Variants in MYH15 observed in about 807,000 individuals in gnomAD.
The protein encoded by MYH15 is myosin-15.
Under a neutral mutation model 240.5 loss-of-function variants are expected in MYH15, and 227 were observed. The observed-to-expected ratio is 0.94, with a 90% CI of 0.85 to 1.05. MYH15 has a LOEUF of 1.05. Among genes scored for constraint, MYH15 ranks in the 50% least tolerant of loss-of-function variants. The probability of loss-of-function intolerance (pLI) is 0.00; values close to 1 mark genes in which losing one functional copy is unlikely to be tolerated. For missense variants in MYH15, 2,217 were observed against 2,247.5 expected, an observed-to-expected ratio of 0.99 and a Z score of 0.27; for synonymous variants, 785 against 796.7, an observed-to-expected ratio of 0.99 and a Z score of 0.25.
the MYH15 span, among the ~76,000 whole-genome samples, chr3:108,548,402 A>C: frequency 2.6e-5 from 4 of 152,282 alleles, no homozygotes; most frequent in Admixed American, 2.6e-4. Context: ...TTTCTTAATA[A>C]GTAAATGTAA....
At chr3:108,471,499 C>G (rs2083177215) in intron 12 of MYH15, among the ~76,000 whole-genome samples, 1 of 152,190 alleles carries the variant, frequency 6.6e-6, no homozygotes, top group South Asian at 2.1e-4. Flanking sequence ...TTCAGCCTGT[C>G]TAGCCCAGCT....
chr3:108,521,127 C>T (rs894885168), intron 1 of MYH15, among the ~76,000 whole-genome samples: 2 of 151,916 alleles, frequency 1.3e-5, no homozygotes, highest in Non-Finnish European at 2.9e-5. Context: ...TTCTTCCCCC[C>T]TCCCAAAAGT....
intron 30 of MYH15, among the ~76,000 whole-genome samples, chr3:108,412,603 C>T (rs1054422344): frequency 2.6e-5 from 4 of 152,316 alleles, no homozygotes; most frequent in African/African-American, 9.6e-5. Context: ...CTTTGTTCTA[C>T]GTTTAATATC....
rs938551546 is a variant in MYH15 at position 108,505,911 on chromosome 3, T to C, written c.89-82A>G. 1.1e-5 allele frequency: 9 copies of C among 828,642 alleles called. No individual in the cohort carries two copies. In the Admixed American group the frequency reaches 1.7e-4, roughly 16 times the overall value. 51.3% of individuals were successfully genotyped at this position (828,642 alleles called of 1,614,324 possible). On this transcript the variant is annotated intron_variant, in intron 1 of 40. Transcript: ENST00000693548. ...TACTGGACACTTTCATACTGATAGA[T>C]CTAATCTCATTTCTGCTAAATCAGC...
rs185315250 is a variant in MYH15 at position 108,471,756 on chromosome 3, A to T, written c.1234-909T>A. ...CCCAGTATCTCTCCCCTGTTGCAAT[A>T]TATCTATTGCAGCAGTCCTGAATGA... is the stretch of plus-strand genomic sequence containing the variant. On this transcript the variant is annotated intron_variant, in intron 12 of 40. Coordinates refer to ENST00000693548, the MANE Select transcript of MYH15 (RefSeq NM_014981.3). 7.9e-5 allele frequency among the ~76,000 whole-genome samples: 12 copies of T among 152,226 alleles called. No individual in the cohort carries two copies. In the South Asian group the frequency reaches 2.5e-3, roughly 32 times the overall value.
intron 21 of MYH15, among the ~76,000 whole-genome samples, chr3:108,447,130 T>A (rs1335232818): frequency 1.3e-5 from 2 of 151,878 alleles, no homozygotes; most frequent in East Asian, 3.9e-4. Context: ...AGGGGAAGAA[T>A]CAGTGAGCTC....
chr3:108,452,440 G>T (rs550783088), intron 21 of MYH15, among the ~76,000 whole-genome samples: 1 of 152,016 alleles, frequency 6.6e-6, no homozygotes, highest in African/African-American at 2.4e-5. Flanking sequence ...CTGGAAAATT[G>T]ATAAATAAAT....
At chr3:108,396,962 C>T (rs1322111991) in intron 35 of MYH15, among the ~76,000 whole-genome samples, 1 of 152,182 alleles carries the variant, frequency 6.6e-6, no homozygotes, top group Non-Finnish European at 1.5e-5. Flanking sequence ...GTTTTGGTAT[C>T]TCTGGACCCT....
At chr3:108,427,199 G>T (rs919631298) in intron 27 of MYH15, among the ~76,000 whole-genome samples, 4 of 152,264 alleles carry the variant, frequency 2.6e-5, no homozygotes, top group African/African-American at 4.8e-5. Flanking sequence ...TATTGAGGTA[G>T]AATGAATGTA....
At chr3:108,447,855 C>G (rs1371812902) in intron 21 of MYH15, among the ~76,000 whole-genome samples, 2 of 148,560 alleles carry the variant, frequency 1.3e-5, no homozygotes, top group African/African-American at 4.9e-5. Flanking sequence ...TCACCTTTAA[C>G]TCTAAAATTA....
chr3:108,448,585 A>T (rs2082948005), intron 21 of MYH15, among the ~76,000 whole-genome samples: 1 of 152,026 alleles, frequency 6.6e-6, no homozygotes, highest in Admixed American at 6.6e-5. Flanking sequence ...TTTAACATCC[A>T]TCCATTCATC....
chr3:108,507,256 T>TGAATATTCACATATGA (rs377142521), intron 1 of MYH15, among the ~76,000 whole-genome samples: 3 of 62,738 alleles, frequency 4.8e-5, no homozygotes, highest in East Asian at 6.0e-4. Context: ...TATATATATA[T>TGAATATTCACATATGA]ATATATATAT....
At position 108,456,887 on chromosome 3, in the gene MYH15, G is replaced by GA. The variant is rs113153088; in HGVS notation, c.2021-5dup. On this transcript the variant is annotated splice_polypyrimidine_tract_variant and splice_region_variant and intron_variant, in intron 18 of 40. Coordinates refer to ENST00000693548, the MANE Select transcript of MYH15 (RefSeq NM_014981.3). ...ACCAAGTAAGGGTCCAGTATACCTG[G>GA]AAAAAAAAAAGAGTCATGGTGGATC... 0.015 allele frequency: 20,723 copies of GA among 1,374,666 alleles called. 37 individuals are homozygous for GA. Among genetic ancestry groups the GA allele is most frequent in the Non-Finnish European group, 0.016 (15,868 of 1,017,332 alleles). 85.2% of individuals were successfully genotyped at this position (1,374,666 alleles called of 1,614,324 possible).
At chr3:108,428,931 T>TC in intron 26 of MYH15, 50 bp from the exon 27 acceptor site, 1 of 1,503,298 alleles carries the variant, frequency 6.7e-7, no homozygotes, top group Non-Finnish European at 8.9e-7. Context: ...TAGCAAGAGC[T>TC]TTACTCTATT....
At position 108,501,769 on chromosome 3, in the gene MYH15, G is replaced by A; in HGVS notation, c.282C>T (p.Leu94=). Residue 94 remains leucine (L), a synonymous_variant, in exon 3 of 41, where the codon CTC becomes CTT. Coordinates refer to ENST00000693548, the MANE Select transcript of MYH15 (RefSeq NM_014981.3). The part of the protein sequence containing the change: ...MIEDMAMLTH[L]NEASVLHTLK... ...GGGTATGCAGCACGGATGCCTCATT[G>A]AGGTGAGTCAGCATTGCCATGTCTT... 3 of 1,614,106 alleles carry A rather than the reference G, an allele frequency of 1.9e-6. No homozygotes were observed. The highest frequency in any genetic ancestry group is 2.5e-6 in the Non-Finnish European group (3 of 1,179,984).
chr3:108,385,539 G>A (rs944326696), intron 38 of MYH15, among the ~76,000 whole-genome samples: 13 of 152,154 alleles, frequency 8.5e-5, no homozygotes, highest in African/African-American at 3.1e-4. Flanking sequence ...GGAGGCTAGA[G>A]GCAGGCAGGT....
chr3:108,504,274 T>C (rs999452775), intron 2 of MYH15, among the ~76,000 whole-genome samples: 2 of 152,230 alleles, frequency 1.3e-5, no homozygotes, highest in African/African-American at 4.8e-5. Context: ...GATTTAGGAC[T>C]AAGGAAAATT....
At chr3:108,434,499 C>A (rs181881260) in intron 25 of MYH15, among the ~76,000 whole-genome samples, 28 of 151,732 alleles carry the variant, frequency 1.8e-4, no homozygotes, top group Admixed American at 1.1e-3. Context: ...GTATTCTTAT[C>A]AATATATTAA....
At chr3:108,540,842 G>A in the MYH15 span, among the ~76,000 whole-genome samples, 1 of 152,016 alleles carries the variant, frequency 6.6e-6, no homozygotes, top group Non-Finnish European at 1.5e-5. Context: ...ACAGATGACA[G>A]AACGGGTTTA....
Sources: allele counts gnomAD v4.1 joint callset (sites outside exome capture counted in the v4.1 genomes callset), GRCh38; gene constraint gnomAD v4.1.1; transcripts MANE v1.5; gene names NCBI Gene and HGNC (gene_info 2026-07-23, HGNC 2026-07-21).